Variants in TUFT1 observed in about 807,000 individuals in gnomAD.
The protein encoded by TUFT1 is tuftelin.
In TUFT1, 43 loss-of-function variants were observed where a neutral mutation model predicts 57.8. That is an observed-to-expected ratio of 0.74 (90% CI 0.58 to 0.96). The LOEUF (loss-of-function observed/expected upper bound fraction) is 0.96. TUFT1 is among the 40% of genes least tolerant of loss of function. The pLI, the probability that TUFT1 is intolerant of heterozygous loss-of-function variation, is 0.00. For synonymous variants in TUFT1, 166 were observed against 176.7 expected (o/e 0.94, Z 0.48); for missense variants, 459 against 489.0 (o/e 0.94, Z 0.58).
At chr1:151,561,651 T>C (rs1463993068) in intron 1 of TUFT1, 4 of 1,201,130 alleles carry the variant, frequency 3.3e-6, no homozygotes, top group East Asian at 6.1e-5. Context: ...TACTTTCCTA[T>C]AGTTTAGTTC....
chr1:151,563,846 A>AT, intron 3 of TUFT1, 58 bp from the exon 4 acceptor site: 1 of 1,487,292 alleles, frequency 6.7e-7, no homozygotes, highest in Admixed American at 1.7e-5. Context: ...GAAGCTGCCT[A>AT]TTTTTGTATA....
chr1:151,581,627 T>C lies in TUFT1; in HGVS notation c.1110-17T>C, dbSNP rs1175051647. The C allele has an allele frequency of 3.1e-6, 5 of 1,613,822 alleles. No homozygotes were observed. The highest frequency in any genetic ancestry group is 4.2e-6 in the Non-Finnish European group (5 of 1,179,894). On this transcript the variant is annotated splice_polypyrimidine_tract_variant and intron_variant, in intron 12 of 12. Transcript: ENST00000368849. ...GCTGTTCCCAGCACAACTCAGTGTT[T>C]CCAACCTTCTTTTCAGTATTAGGAT... is the stretch of plus-strand genomic sequence containing the variant.
chr1:151,570,332 A>C (rs144464026), intron 7 of TUFT1, among the ~76,000 whole-genome samples: 181 of 152,278 alleles, frequency 1.2e-3, no homozygotes, highest in African/African-American at 4.1e-3. Flanking sequence ...GCCAAGCTGG[A>C]GTGCAGTGGC....
At chr1:151,570,551 A>G (rs920548635) in intron 7 of TUFT1, among the ~76,000 whole-genome samples, 4 of 152,262 alleles carry the variant, frequency 2.6e-5, no homozygotes, top group African/African-American at 9.6e-5. Context: ...AAGTGCTGGG[A>G]TTACAGGCAC....
Position 151,578,786 on chromosome 1 carries a change from T to C in TUFT1, c.884T>C (p.Leu295Pro). Residue 295 changes from leucine to proline, a missense_variant, in exon 10 of 13, where the codon CTC becomes CCC. Coordinates refer to ENST00000368849, the MANE Select transcript of TUFT1 (RefSeq NM_020127.3). Reference sequence around the variant, plus strand: ...AAGATCCACCACTTGGATGACATGCTCAAGAGCCAGCAGCGGAAAGTCCGG... The same window carrying C: ...AAGATCCACCACTTGGATGACATGCCCAAGAGCCAGCAGCGGAAAGTCCGG... ...REKIHHLDDM[L>P]KSQQRKVRQM... 1 of 1,584,072 alleles carries C rather than the reference T, an allele frequency of 6.3e-7. No individual in the cohort carries two copies. Among genetic ancestry groups the C allele is most frequent in the East Asian group, 2.3e-5 (1 of 43,586 alleles).
Position 151,582,173 on chromosome 1 carries a change from CA to C in TUFT1, c.*469del, listed in dbSNP as rs372988276. 21 of 458,212 alleles carry C rather than the reference CA, an allele frequency of 4.6e-5. No homozygotes were observed. Among genetic ancestry groups the C allele is most frequent in the African/African-American group, 4.2e-4 (21 of 50,188 alleles). 28.4% of individuals were successfully genotyped at this position (458,212 alleles called of 1,614,324 possible). On this transcript the variant is annotated 3_prime_UTR_variant, in exon 13 of 13. Coordinates refer to ENST00000368849, the MANE Select transcript of TUFT1 (RefSeq NM_020127.3). ...ACAAACACAGCTCAGTTCTTAGCAA[CA>C]AACTGTTTGTTTTTCTACTTGCTCC...
At chr1:151,560,822 C>T (rs770450338) in intron 1 of TUFT1, among the ~76,000 whole-genome samples, 3 of 152,234 alleles carry the variant, frequency 2.0e-5, no homozygotes, top group Non-Finnish European at 2.9e-5. Flanking sequence ...TCATTCACTT[C>T]CATGCATAGT....
chr1:151,542,532 C>A (rs1665202817), intron 1 of TUFT1, among the ~76,000 whole-genome samples: 1 of 152,036 alleles, frequency 6.6e-6, no homozygotes, highest in South Asian at 2.1e-4. Context: ...ACATCTGGCC[C>A]CTTTTACTCT....
intron 1 of TUFT1, among the ~76,000 whole-genome samples, chr1:151,547,978 G>A (rs931173826): frequency 2.0e-5 from 3 of 152,238 alleles, no homozygotes; most frequent in South Asian, 4.1e-4. Flanking sequence ...TCCAGCCCAT[G>A]CCTCTGGGTA....
intron 10 of TUFT1, 138 bp downstream of exon 10, chr1:151,578,964 T>C (rs1666564881): frequency 1.5e-6 from 1 of 652,694 alleles, no homozygotes; most frequent in Admixed American, 2.7e-5. Context: ...CAGGTTCAGG[T>C]TATTAGGATT....
At chr1:151,564,084 C>A in intron 4 of TUFT1, 94 bp downstream of exon 4, 1 of 1,040,692 alleles carries the variant, frequency 9.6e-7, no homozygotes. Context: ...CTGGTTTTTC[C>A]CCTTCTTTTT....
chr1:151,540,671 C>T (rs1665132951), intron 1 of TUFT1: 3 of 519,458 alleles, frequency 5.8e-6, no homozygotes, highest in South Asian at 4.5e-5. Flanking sequence ...ACTGCGGCTC[C>T]TGCCTGGGAC....
In TUFT1 at chr1:151,581,746, G is replaced by A. The variant is rs1167942810; in HGVS notation, c.*39G>A. On this transcript the variant is annotated 3_prime_UTR_variant, in exon 13 of 13. Transcript: ENST00000368849. Reference sequence around the variant, plus strand: ...GGTTGCTGCCATTGCTGCTGCCTCTGCCTCGGAGAAGCCCACTGCCCCTGT... The same window carrying A: ...GGTTGCTGCCATTGCTGCTGCCTCTACCTCGGAGAAGCCCACTGCCCCTGT... The A allele has an allele frequency of 1.2e-6, 2 of 1,610,004 alleles. No individual in the cohort carries two copies. Among genetic ancestry groups the A allele is most frequent in the South Asian group, 2.2e-5 (2 of 90,950 alleles).
chr1:151,563,402 G>A (rs1353649468), intron 3 of TUFT1, among the ~76,000 whole-genome samples: 1 of 152,066 alleles, frequency 6.6e-6, no homozygotes, highest in South Asian at 2.1e-4. Context: ...CATTTTTACT[G>A]TATTTTTTCT....
chr1:151,575,314 A>G (rs563552683), intron 9 of TUFT1, among the ~76,000 whole-genome samples: 1 of 152,324 alleles, frequency 6.6e-6, no homozygotes, highest in East Asian at 1.9e-4. Flanking sequence ...GTGTCATTCC[A>G]CAGATTAGTG....
intron 9 of TUFT1, 100 bp from the exon 10 acceptor site, chr1:151,578,621 A>C: frequency 2.0e-6 from 2 of 982,964 alleles, no homozygotes; most frequent in Non-Finnish European, 3.0e-6. Flanking sequence ...GGCAAAGGGA[A>C]TCATATTAAT....
rs779976584 is a variant in TUFT1 at position 151,569,755 on chromosome 1, C to A, written c.579C>A (p.Asp193Glu). 153 of 1,613,764 alleles carry A rather than the reference C, an allele frequency of 9.5e-5. No homozygotes were observed. Among genetic ancestry groups the A allele is most frequent in the Non-Finnish European group, 3.4e-5 (40 of 1,179,838 alleles). Reference sequence around the variant, plus strand: ...AGGCCAAGCGGCAACACCAGTCAGACTGTGTGGCTTTTGAGGTGAGATTTG... The same window carrying A: ...AGGCCAAGCGGCAACACCAGTCAGAATGTGTGGCTTTTGAGGTGAGATTTG... ...LQEAKRQHQSDCVAFEVTLSR... is the reference protein window; with the variant it reads ...LQEAKRQHQSECVAFEVTLSR... Residue 193 changes from aspartate to glutamate, a missense_variant, in exon 7 of 13, where the codon GAC becomes GAA. Asp to Glu is a conservative substitution (Grantham distance 45). Transcript: ENST00000368849.
chr1:151,564,707 C>G (rs774879312), intron 5 of TUFT1, 93 bp downstream of exon 5: 29 of 1,035,014 alleles, frequency 2.8e-5, no homozygotes, highest in Admixed American at 1.4e-4. Flanking sequence ...TGTGCTAAAT[C>G]TAGCATCCCT....
intron 1 of TUFT1, among the ~76,000 whole-genome samples, chr1:151,552,145 A>G (rs1253629124): frequency 6.6e-6 from 1 of 152,206 alleles, no homozygotes; most frequent in African/African-American, 2.4e-5. Context: ...TTTGCTTAAC[A>G]TCTTTGTGAG....
Sources: allele counts gnomAD v4.1 joint callset (sites outside exome capture counted in the v4.1 genomes callset), GRCh38; gene constraint gnomAD v4.1.1; transcripts MANE v1.5; gene names NCBI Gene and HGNC (gene_info 2026-07-23, HGNC 2026-07-21).